The following IPO8 variants were observed in gnomAD, a reference collection of about 807,000 sequenced individuals.
The protein encoded by IPO8 is importin-8.
A neutral mutation model predicts 141.2 loss-of-function variants in IPO8; 65 were observed. The observed-to-expected ratio is 0.46, with a 90% CI of 0.38 to 0.57. The LOEUF is 0.57. Among genes scored for constraint, IPO8 ranks in the 20% least tolerant of loss-of-function variants. The probability of loss-of-function intolerance (pLI) is 0.00; values close to 1 mark genes in which losing one functional copy is unlikely to be tolerated. For missense variants in IPO8, 980 were observed against 1,246.8 expected (o/e 0.79, Z 3.22); for synonymous variants, 411 against 420.3 (o/e 0.98, Z 0.27).
chr12:30,648,449 G>C (rs2052678720), intron 20 of IPO8, among the ~76,000 whole-genome samples: 1 of 152,134 alleles, frequency 6.6e-6, no homozygotes, highest in African/African-American at 2.4e-5. Context: ...TGGGAGAGGG[G>C]TAATGACATG....
chr12:30,695,834 TC>T lies in IPO8; in HGVS notation c.-188del, dbSNP rs1368214346. 9.8e-6 allele frequency: 5 copies of T among 507,848 alleles called. No homozygotes were observed. Among genetic ancestry groups the T allele is most frequent in the Admixed American group, 3.6e-5 (1 of 27,790 alleles). 31.5% of individuals were successfully genotyped at this position (507,848 alleles called of 1,614,324 possible). A position where few individuals can be genotyped will look rare whatever the true frequency, so the allele number is the denominator to read the frequency against. On this transcript the variant is annotated 5_prime_UTR_variant, in exon 1 of 25. It introduces an in-frame stop codon into an upstream open reading frame of the 5' UTR. Coordinates refer to ENST00000256079, the MANE Select transcript of IPO8 (RefSeq NM_006390.4). This position sits in a 1 kb window ranked among gnomAD's most constrained non-coding sequence, Gnocchi z 4.2. ...CTCCGCGCCCCCTGTCCTCCCTTTT[TC>T]CCCCCCACAACTCGCTCTCCATTCA...
At chr12:30,672,275 T>C (rs989352612) in intron 8 of IPO8, among the ~76,000 whole-genome samples, 15 of 152,230 alleles carry the variant, frequency 9.9e-5, no homozygotes, top group East Asian at 1.9e-4. Flanking sequence ...ATATGGATTT[T>C]ATTCAAGTTT....
chr12:30,651,125 G>A (rs1320835455), intron 19 of IPO8, among the ~76,000 whole-genome samples: 1 of 152,014 alleles, frequency 6.6e-6, no homozygotes. Context: ...AATTACTAAT[G>A]GAATACACAG....
At chr12:30,649,438 T>C (rs965531483) in intron 19 of IPO8, among the ~76,000 whole-genome samples, 3 of 152,164 alleles carry the variant, frequency 2.0e-5, no homozygotes, top group African/African-American at 4.8e-5. Context: ...AATTCACTTA[T>C]TTGACCTTGG....
intron 13 of IPO8, 51 bp from the exon 14 acceptor site, chr12:30,663,705 G>T: frequency 2.2e-6 from 3 of 1,341,438 alleles, no homozygotes; most frequent in Non-Finnish European, 2.0e-6. Flanking sequence ...ATAGCATTCT[G>T]TAATAATATC....
In IPO8 at chr12:30,635,249, C is replaced by T. The variant is rs2052485814; in HGVS notation, c.2696-963G>A. Among the ~76,000 whole-genome samples the T allele has an allele frequency of 4.6e-5, 7 of 151,866 alleles. No individual in the cohort carries two copies. The South Asian group carries it at 1.4e-3, about 31-fold the overall frequency. ...GTTTTGTTTTGTTTTGTTTTGGTAT[C>T]TATTGTACAGCATGGTGAATACAGT... On this transcript the variant is annotated intron_variant, in intron 22 of 24. Transcript: ENST00000256079.
At chr12:30,640,146 T>G (rs2052557453) in intron 20 of IPO8, among the ~76,000 whole-genome samples, 3 of 152,156 alleles carry the variant, frequency 2.0e-5, no homozygotes, top group Admixed American at 2.0e-4. Context: ...TGTAATCAGA[T>G]TGTTTTTGAG....
At chr12:30,669,750 AGT>A (rs956810895) in intron 9 of IPO8, among the ~76,000 whole-genome samples, 3 of 143,742 alleles carry the variant, frequency 2.1e-5, no homozygotes, top group African/African-American at 8.0e-5. Flanking sequence ...TGTGCAACAG[AGT>A]GAGACTCCAG....
At chr12:30,642,041 C>T (rs896788381) in intron 20 of IPO8, among the ~76,000 whole-genome samples, 5 of 151,838 alleles carry the variant, frequency 3.3e-5, no homozygotes, top group Non-Finnish European at 5.9e-5. Flanking sequence ...ACTAAAAATA[C>T]AAAAATTAGC....
At chr12:30,665,171 ATTATC>A (rs1446771934) in intron 13 of IPO8, 44 bp downstream of exon 13, 5 of 1,046,436 alleles carry the variant, frequency 4.8e-6, no homozygotes, top group South Asian at 1.4e-5. Context: ...TATTTGAATA[ATTATC>A]TTATGAAGAT....
intron 3 of IPO8, among the ~76,000 whole-genome samples, chr12:30,683,937 C>T (rs1318774362): frequency 6.6e-6 from 1 of 152,156 alleles, no homozygotes; most frequent in Admixed American, 6.6e-5. Context: ...TTCCCAGAAT[C>T]AGTCTCTCTG....
chr12:30,669,844 AG>A (rs2053024487), intron 9 of IPO8, among the ~76,000 whole-genome samples: 1 of 152,174 alleles, frequency 6.6e-6, no homozygotes, highest in Non-Finnish European at 1.5e-5. Flanking sequence ...TTTCAGTTAG[AG>A]AAAAGTCCTA....
At position 30,645,133 on chromosome 12, in the gene IPO8, G is replaced by A. The variant is rs138295752; in HGVS notation, c.2268+4004C>T. Among the ~76,000 whole-genome samples the A allele has an allele frequency of 4.0e-5, 6 of 151,786 alleles. No homozygotes were observed. In the East Asian group the frequency reaches 5.9e-4, roughly 15 times the overall value. Reference sequence around the variant, plus strand: ...TCACGCCTGTAATCCCAGCACTTTGGGGGGCTGAGGCTGGTGATCACCTGA... The same window carrying A: ...TCACGCCTGTAATCCCAGCACTTTGAGGGGCTGAGGCTGGTGATCACCTGA... On this transcript the variant is annotated intron_variant, in intron 20 of 24. Transcript: ENST00000256079.
intron 19 of IPO8, among the ~76,000 whole-genome samples, chr12:30,649,827 A>C (rs10771750): frequency 0.53 from 80,371 of 151,868 alleles, 21,688 homozygotes; most frequent in African/African-American, 0.61. Context: ...TTCATACATA[A>C]AATGTGGAAT....
In IPO8 at chr12:30,662,915, T is replaced by C. The variant is rs567579703; in HGVS notation, c.1595-428A>G. On this transcript the variant is annotated intron_variant, in intron 14 of 24. Coordinates refer to ENST00000256079, the MANE Select transcript of IPO8 (RefSeq NM_006390.4). ...CCATCTCTACCACCCTCCCTTGCCA[T>C]GTGTACAATATCCAATCCTCCCACT... Among the ~76,000 whole-genome samples, 10 of 152,262 alleles carry C rather than the reference T, an allele frequency of 6.6e-5. No individual in the cohort carries two copies. In the South Asian group the frequency reaches 8.3e-4, roughly 13 times the overall value.
At chr12:30,683,353 G>A (rs1030638408) in intron 3 of IPO8, among the ~76,000 whole-genome samples, 8 of 151,922 alleles carry the variant, frequency 5.3e-5, no homozygotes, top group African/African-American at 9.7e-5. Flanking sequence ...CCTGTTACCC[G>A]TCGTACTTCC....
At chr12:30,631,023 A>G (rs1314116763) in intron 24 of IPO8, 66 bp from the exon 25 acceptor site, 2 of 1,255,498 alleles carry the variant, frequency 1.6e-6, no homozygotes, top group Admixed American at 1.9e-5. Flanking sequence ...AAAGTTGGAG[A>G]TGACTCAAAG....
At chr12:30,663,714 T>A in intron 13 of IPO8, 60 bp from the exon 14 acceptor site, 1 of 1,288,964 alleles carries the variant, frequency 7.8e-7, no homozygotes, top group East Asian at 2.5e-5. Flanking sequence ...TGTAATAATA[T>A]CACAGATATA....
intron 1 of IPO8, 30 bp from the exon 2 acceptor site, chr12:30,690,607 T>C: frequency 8.1e-7 from 1 of 1,240,152 alleles, no homozygotes; most frequent in Non-Finnish European, 1.2e-6. Context: ...TTTTATAAAA[T>C]AGGGCAATAT....
Sources: allele counts gnomAD v4.1 joint callset (sites outside exome capture counted in the v4.1 genomes callset), GRCh38; gene constraint gnomAD v4.1.1; non-coding constraint Gnocchi (gnomAD v3.1); transcripts MANE v1.5; gene names NCBI Gene and HGNC (gene_info 2026-07-23, HGNC 2026-07-21).